ZNF610: variants seen among roughly 807,000 people sequenced by gnomAD.
ZNF610 encodes zink finger protein.
In ZNF610, 14 loss-of-function variants were observed where a neutral mutation model predicts 14.1. The ratio of observed to expected loss-of-function variants is 0.99; its 90% CI spans 0.65 to 1.55. The LOEUF (loss-of-function observed/expected upper bound fraction) is 1.55, where lower values mean the gene tolerates loss of function less well. Ranked by LOEUF, ZNF610 falls within the 40% of genes most tolerant of loss-of-function variation. ZNF610 has a pLI of 0.00. For missense variants in ZNF610, 530 were observed against 558.0 expected, an observed-to-expected ratio of 0.95 and a Z score of 0.51; for synonymous variants, 185 against 187.6, an observed-to-expected ratio of 0.99 and a Z score of 0.11.
In ZNF610 at chr19:52,364,177, T is replaced by C. The variant is rs1179458051; in HGVS notation, c.320-1521T>C. ...CTAGAAGTTCCTTCTATATATGTAA[T>C]ATTCCCATTAACACATTTTAGTGCT... is the stretch of plus-strand genomic sequence containing the variant. On this transcript the variant is annotated intron_variant, in intron 5 of 5. Coordinates refer to ENST00000403906, the MANE Select transcript of ZNF610 (RefSeq NM_001161425.2). Among the ~76,000 whole-genome samples, 4 of 152,370 alleles carry C rather than the reference T, an allele frequency of 2.6e-5. No individual in the cohort carries two copies. The East Asian group carries it at 5.8e-4, about 22-fold the overall frequency.
At chr19:52,347,368 A>G (rs1295263635) in intron 1 of ZNF610, 2 of 152,246 alleles carry the variant, frequency 1.3e-5, no homozygotes, top group Non-Finnish European at 2.9e-5. Flanking sequence ...TTGTACAGCT[A>G]TATAACGTGT....
At chr19:52,344,854 C>G (rs1984861016) in intron 1 of ZNF610, among the ~76,000 whole-genome samples, 1 of 152,194 alleles carries the variant, frequency 6.6e-6, no homozygotes. Flanking sequence ...GCAATATCGG[C>G]TCACTGCAAC....
chr19:52,367,114 T>TG lies in ZNF610; in HGVS notation c.*347_*348insG, dbSNP rs1388625386. 1 of 67,540 alleles carries TG rather than the reference T, an allele frequency of 1.5e-5. No individual in the cohort carries two copies. Among genetic ancestry groups the TG allele is most frequent in the African/African-American group, 3.5e-4 (1 of 2,860 alleles). The allele number at this position is 67,540 out of a possible 1,614,324, so 4.2% of individuals were successfully genotyped here. A position where few individuals can be genotyped will look rare whatever the true frequency, so the allele number is the denominator to read the frequency against. On this transcript the variant is annotated 3_prime_UTR_variant, in exon 6 of 6. Coordinates refer to ENST00000403906, the MANE Select transcript of ZNF610 (RefSeq NM_001161425.2). ...ATGTTTTAAGTAATAAAGTTTAAAG[T>TG]TTTTTTTTAGTTTTTTCTTTTTTTT...
At chr19:52,341,271 C>A (rs1984678466) in intron 1 of ZNF610, among the ~76,000 whole-genome samples, 1 of 151,934 alleles carries the variant, frequency 6.6e-6, no homozygotes, top group Non-Finnish European at 1.5e-5. Flanking sequence ...CTCCTGCGAC[C>A]TGTTTCTAAA....
At chr19:52,356,091 T>C (rs934023747) in intron 5 of ZNF610, among the ~76,000 whole-genome samples, 11 of 152,144 alleles carry the variant, frequency 7.2e-5, no homozygotes, top group Non-Finnish European at 1.0e-4. Flanking sequence ...CAGATCACAC[T>C]CGTACCACCC....
chr19:52,361,845 C>A (rs193037212), intron 5 of ZNF610, among the ~76,000 whole-genome samples: 183 of 152,142 alleles, frequency 1.2e-3, no homozygotes, highest in Admixed American at 3.2e-3. Flanking sequence ...TTAATTTTTT[C>A]TTTCTGCTAC....
At chr19:52,353,254 G>A (rs1288145242) in intron 3 of ZNF610, among the ~76,000 whole-genome samples, 2 of 152,146 alleles carry the variant, frequency 1.3e-5, no homozygotes, top group East Asian at 3.8e-4. Context: ...TGTTAAATTA[G>A]TGTATAATAT....
intron 3 of ZNF610, 57 bp downstream of exon 3, chr19:52,349,292 C>T: frequency 6.4e-7 from 1 of 1,563,906 alleles, no homozygotes; most frequent in Non-Finnish European, 8.8e-7. Flanking sequence ...ATGCCTGAAG[C>T]ATCCTGCCTG....
intron 1 of ZNF610, among the ~76,000 whole-genome samples, chr19:52,339,042 G>A (rs1050161716): frequency 4.0e-5 from 6 of 151,892 alleles, no homozygotes; most frequent in African/African-American, 9.7e-5. Flanking sequence ...GAAAACATAC[G>A]AACCAAGATC....
chr19:52,345,736 G>T (rs1279900964), intron 1 of ZNF610, among the ~76,000 whole-genome samples: 3 of 151,304 alleles, frequency 2.0e-5, no homozygotes, highest in East Asian at 1.9e-4. Context: ...ATGGAGTCTC[G>T]CTCTGTCGCC....
chr19:52,334,884 G>C (rs887897218), upstream of ZNF610, among the ~76,000 whole-genome samples: 1 of 150,754 alleles, frequency 6.6e-6, no homozygotes. Flanking sequence ...AGCTGAAACC[G>C]TGTCACTGCA....
At chr19:52,336,830 ACTT>A (rs530319882) in intron 1 of ZNF610, among the ~76,000 whole-genome samples, 54 of 152,274 alleles carry the variant, frequency 3.5e-4, no homozygotes, top group Middle Eastern at 3.4e-3. Flanking sequence ...TGGGGACGTG[ACTT>A]CTTCTGTCTT....
chr19:52,353,220 G>A (rs1985345394), intron 3 of ZNF610, among the ~76,000 whole-genome samples: 1 of 152,224 alleles, frequency 6.6e-6, no homozygotes, highest in Non-Finnish European at 1.5e-5. Flanking sequence ...AGTTACAGAC[G>A]TGAGCCACTG....
chr19:52,339,414 T>C (rs1351417689), intron 1 of ZNF610, among the ~76,000 whole-genome samples: 1 of 147,302 alleles, frequency 6.8e-6, no homozygotes, highest in Non-Finnish European at 1.5e-5. Flanking sequence ...CTGGTTTTCC[T>C]AGGCAGAGTT....
Position 52,354,327 on chromosome 19 carries a change from T to TA in ZNF610, c.271dup (p.Ile91AsnfsTer32). ...AGCCCTTGATTCTGCAAAGTCAAGT[T>TA]AAAATAGTAAAAAATACAGATGGAA... On this transcript the variant is annotated frameshift_variant, in exon 5 of 6. Coordinates refer to ENST00000403906, the MANE Select transcript of ZNF610 (RefSeq NM_001161425.2). LOFTEE classifies it high-confidence loss of function. 10 of 1,614,160 alleles carry TA rather than the reference T, an allele frequency of 6.2e-6. No individual in the cohort carries two copies. The highest frequency in any genetic ancestry group is 8.5e-6 in the Non-Finnish European group (10 of 1,180,016).
At chr19:52,331,376 C>T (rs937749347), upstream of ZNF610, among the ~76,000 whole-genome samples, 9 of 152,094 alleles carry the variant, frequency 5.9e-5, no homozygotes, top group Non-Finnish European at 1.3e-4. Context: ...TCAAAGCTGA[C>T]CAGGTTATAA....
chr19:52,358,925 C>G (rs1985655929), intron 5 of ZNF610, among the ~76,000 whole-genome samples: 1 of 152,190 alleles, frequency 6.6e-6, no homozygotes, highest in South Asian at 2.1e-4. Flanking sequence ...GTTACATGGT[C>G]TTGGCAGCCT....
At chr19:52,362,361 A>C (rs1985825712) in intron 5 of ZNF610, among the ~76,000 whole-genome samples, 1 of 152,238 alleles carries the variant, frequency 6.6e-6, no homozygotes, top group African/African-American at 2.4e-5. Flanking sequence ...CAGTGAGCCG[A>C]GATCGCACCA....
chr19:52,362,810 G>T (rs1985844684), intron 5 of ZNF610, among the ~76,000 whole-genome samples: 1 of 151,990 alleles, frequency 6.6e-6, no homozygotes. Flanking sequence ...AGATTGTTTT[G>T]TGTCATAACA....
Sources: gnomAD v4.1 joint callset for allele counts (sites outside exome capture counted in the v4.1 genomes callset) on GRCh38, gnomAD v4.1.1 for gene constraint, MANE v1.5 for transcripts, NCBI Gene and HGNC (gene_info 2026-07-23, HGNC 2026-07-21) for gene names.